CLYBL: variants seen among roughly 807,000 people sequenced by gnomAD.
The protein encoded by CLYBL is citramalyl-CoA lyase, mitochondrial.
Under a neutral mutation model 38.9 loss-of-function variants are expected in CLYBL, and 31 were observed. The ratio of observed to expected loss-of-function variants is 0.80; its 90% CI spans 0.60 to 1.08. CLYBL has a LOEUF of 1.08. CLYBL is among the 50% of genes least tolerant of loss of function. The pLI is 0.00. For missense variants in CLYBL, 434 were observed against 411.6 expected (o/e 1.05, Z -0.47); for synonymous variants, 171 against 158.6 (o/e 1.08, Z -0.59).
Position 99,871,033 on chromosome 13 carries a change from G to C in CLYBL, c.898G>C (p.Ala300Pro), listed in dbSNP as rs1404006106. The part of the protein sequence containing the change: ...KIKWAEELIA[A>P]FKEHQQLGKG... ...TAAGTGGGCTGAAGAACTGATTGCTGCCTTTAAAGAACATCAACAATTAGG... is the reference window on the plus strand; with the variant it reads ...TAAGTGGGCTGAAGAACTGATTGCTCCCTTTAAAGAACATCAACAATTAGG... Residue 300 changes from alanine (A) to proline (P), a missense_variant, in exon 7 of 9, where the codon GCC (alanine) becomes CCC (proline). By Grantham distance (27) the Ala-to-Pro change is conservative. Transcript: ENST00000339105. 2 of 1,613,816 alleles carry C rather than the reference G, an allele frequency of 1.2e-6. No homozygotes were observed. The highest frequency in any genetic ancestry group is 4.5e-5 in the East Asian group (2 of 44,890).
intron 1 of CLYBL, among the ~76,000 whole-genome samples, chr13:99,628,538 T>G (rs17611302): frequency 0.14 from 21,030 of 152,182 alleles, 1,634 homozygotes; most frequent in African/African-American, 0.21. Flanking sequence ...AGGGTGGTAA[T>G]AAAATTGTAG....
intron 1 of CLYBL, among the ~76,000 whole-genome samples, chr13:99,716,777 CT>C (rs1752020178): frequency 7.4e-6 from 1 of 135,650 alleles, no homozygotes; most frequent in Non-Finnish European, 1.6e-5. Context: ...ACTTTAATTT[CT>C]TTTCTTTTCT....
intron 9 of CLYBL, among the ~76,000 whole-genome samples, chr13:99,907,175 G>A (rs1252731848): frequency 6.6e-6 from 1 of 152,178 alleles, no homozygotes; most frequent in African/African-American, 2.4e-5. Flanking sequence ...CTGCAAATGC[G>A]AGTCTGGAGC....
chr13:99,642,227 T>C (rs2047106502), intron 1 of CLYBL, among the ~76,000 whole-genome samples: 1 of 152,164 alleles, frequency 6.6e-6, no homozygotes, highest in African/African-American at 2.4e-5. Flanking sequence ...GCATGCTGAC[T>C]CTTCAGTGCT....
intron 1 of CLYBL, among the ~76,000 whole-genome samples, chr13:99,613,002 A>C (rs1268397118): frequency 6.8e-6 from 1 of 147,122 alleles, no homozygotes; most frequent in Non-Finnish European, 1.5e-5. Context: ...GTGACAGAGC[A>C]AAGCTCTATT....
chr13:99,837,968 C>G (rs2050978425), intron 2 of CLYBL, among the ~76,000 whole-genome samples: 1 of 152,172 alleles, frequency 6.6e-6, no homozygotes, highest in South Asian at 2.1e-4. Flanking sequence ...CATGATATCT[C>G]TGGTTTTCCC....
intron 2 of CLYBL, among the ~76,000 whole-genome samples, chr13:99,806,254 C>T (rs2050230540): frequency 1.3e-5 from 2 of 152,170 alleles, no homozygotes; most frequent in Admixed American, 1.3e-4. Flanking sequence ...ATTGATAATA[C>T]ATTTTCAACA....
intron 8 of CLYBL, chr13:99,892,234 G>A (rs1172816620): frequency 2.0e-5 from 3 of 152,172 alleles, no homozygotes; most frequent in East Asian, 1.9e-4. Flanking sequence ...AACTTGTAGC[G>A]TCTCAGAAGA....
At chr13:99,856,799 C>T (rs1398920432) in intron 2 of CLYBL, among the ~76,000 whole-genome samples, 3 of 151,702 alleles carry the variant, frequency 2.0e-5, no homozygotes, top group South Asian at 2.1e-4. Flanking sequence ...CCACTACACC[C>T]GGCTAATTTT....
intron 1 of CLYBL, among the ~76,000 whole-genome samples, chr13:99,666,045 C>T (rs541138725): frequency 8.5e-5 from 13 of 152,194 alleles, no homozygotes; most frequent in African/African-American, 2.9e-4. Context: ...CTTGGAGGAG[C>T]TCAGGGAGAG....
At chr13:99,748,429 G>GTTTTTTTTTTTT (rs1165919560) in intron 1 of CLYBL, among the ~76,000 whole-genome samples, 1 of 87,692 alleles carries the variant, frequency 1.1e-5, no homozygotes, top group Non-Finnish European at 2.0e-5. Context: ...CTAGTTTTGT[G>GTTTTTTTTTTTT]TTTTTTTTTT....
At chr13:99,848,693 G>A (rs551380774) in intron 2 of CLYBL, among the ~76,000 whole-genome samples, 24 of 152,228 alleles carry the variant, frequency 1.6e-4, no homozygotes, top group South Asian at 6.2e-4. Flanking sequence ...AGATTGTCCC[G>A]GCTCCCTGTG....
intron 1 of CLYBL, among the ~76,000 whole-genome samples, chr13:99,732,729 ATACTG>A (rs1406251185): frequency 1.3e-5 from 2 of 152,188 alleles, no homozygotes; most frequent in African/African-American, 4.8e-5. Context: ...AAATATGAAA[ATACTG>A]TGCTGTAATA....
rs147230521 is a variant in CLYBL at position 99,870,991 on chromosome 13, C to A, written c.856C>A (p.Pro286Thr). 7.6e-5 allele frequency: 122 copies of A among 1,613,626 alleles called. No individual in the cohort carries two copies. The highest frequency in any genetic ancestry group is 9.9e-5 in the Non-Finnish European group (117 of 1,179,800). ...TGCCGTGGTCCAGGAGCAGTTTTCT[C>A]CTTCCCCTGAAAAAATTAAGTGGGC... ...QIAVVQEQFSPSPEKIKWAEE... is the reference protein window; with the variant it reads ...QIAVVQEQFSTSPEKIKWAEE... The change falls in exon 7 of 9, where the codon CCT (proline) becomes ACT (threonine). Residue 286 changes from proline (P) to threonine (T), a missense_variant. Coordinates refer to ENST00000339105, the MANE Select transcript of CLYBL (RefSeq NM_206808.5).
At chr13:99,856,671 C>T (rs1251266670) in intron 2 of CLYBL, among the ~76,000 whole-genome samples, 1 of 152,082 alleles carries the variant, frequency 6.6e-6, no homozygotes, top group East Asian at 1.9e-4. Flanking sequence ...TGGAGTCTCG[C>T]TCTGTGTCCT....
intron 7 of CLYBL, among the ~76,000 whole-genome samples, chr13:99,880,050 G>A (rs977523805): frequency 1.2e-4 from 12 of 97,596 alleles, no homozygotes; most frequent in Admixed American, 3.8e-4. Flanking sequence ...ATGTGTGTAT[G>A]TATATATATA....
intron 1 of CLYBL, among the ~76,000 whole-genome samples, chr13:99,736,333 C>G (rs1235206216): frequency 6.6e-6 from 1 of 151,558 alleles, no homozygotes; most frequent in African/African-American, 2.4e-5. Context: ...CCACCGCACC[C>G]GGCCATCCTA....
At chr13:99,652,844 C>G (rs1221405551) in intron 1 of CLYBL, among the ~76,000 whole-genome samples, 9 of 152,184 alleles carry the variant, frequency 5.9e-5, no homozygotes, top group Admixed American at 3.9e-4. Context: ...AAGAATCAAT[C>G]AAATCAAAAC....
intron 1 of CLYBL, among the ~76,000 whole-genome samples, chr13:99,627,245 G>A (rs926461844): frequency 4.0e-5 from 6 of 151,390 alleles, no homozygotes; most frequent in African/African-American, 7.3e-5. Flanking sequence ...TTCCTTTCTC[G>A]TCTTTATTTT....
Sources: gnomAD v4.1 joint callset for allele counts (sites outside exome capture counted in the v4.1 genomes callset) on GRCh38, gnomAD v4.1.1 for gene constraint, MANE v1.5 for transcripts, NCBI Gene and HGNC (gene_info 2026-07-23, HGNC 2026-07-21) for gene names.